The following ZFPM2 variants were observed in gnomAD, a reference collection of about 807,000 sequenced individuals.
The protein encoded by ZFPM2 is zinc finger protein, FOG family member 2.
ZFPM2 carries 20 observed loss-of-function variants against 98.6 expected under a neutral mutation model. The observed-to-expected ratio is 0.20, with a 90% CI of 0.14 to 0.29. The LOEUF is 0.29. Among genes scored for constraint, ZFPM2 ranks in the 10% least tolerant of loss-of-function variants. The pLI is 1.00. For synonymous variants in ZFPM2, 518 were observed against 502.7 expected (o/e 1.03, Z -0.41); for missense variants, 1,310 against 1,388.6 (o/e 0.94, Z 0.90).
intron 1 of ZFPM2, among the ~76,000 whole-genome samples, chr8:105,408,243 T>G (rs1490122789): frequency 6.6e-6 from 1 of 151,938 alleles, no homozygotes; most frequent in Non-Finnish European, 1.5e-5. Context: ...AGTGCCTCTG[T>G]GTCTTTAGAC....
rs34267329 is a variant in ZFPM2, at chr8:105,754,946, ATGTGTGTGTGTGTG to A, written c.533-33747_533-33734del. Among the ~76,000 whole-genome samples the A allele has an allele frequency of 3.6e-3, 526 of 146,550 alleles. 2 individuals are homozygous for A. The highest frequency in any genetic ancestry group is 0.01 in the African/African-American group (411 of 40,394). On this transcript the variant is annotated intron_variant, in intron 5 of 7. Transcript: ENST00000407775. Reference sequence around the variant, plus strand: ...TTGTGACGGTCTGGAGAAATTTAATATGTGTGTGTGTGTGTGTGTGTGTGTGTGTGTGTGTGTGC... The same window carrying A: ...TTGTGACGGTCTGGAGAAATTTAATATGTGTGTGTGTGTGTGTGTGTGTGC...
chr8:105,349,419 CTCTTAGGTA>C (rs752103442), intron 1 of ZFPM2, among the ~76,000 whole-genome samples: 12 of 152,134 alleles, frequency 7.9e-5, no homozygotes, highest in Admixed American at 1.3e-4. Context: ...AACCCATCTG[CTCTTAGGTA>C]TCCTTGTACA....
chr8:105,681,943 G>A (rs1306883148), intron 5 of ZFPM2, among the ~76,000 whole-genome samples: 1 of 152,082 alleles, frequency 6.6e-6, no homozygotes, highest in East Asian at 1.9e-4. Context: ...CTCAGTCACT[G>A]CTCTATCTCC....
chr8:105,596,803 A>G (rs1053390284), intron 4 of ZFPM2, among the ~76,000 whole-genome samples: 3 of 139,726 alleles, frequency 2.1e-5, no homozygotes, highest in African/African-American at 5.4e-5. Flanking sequence ...TAGAGCAGAT[A>G]GGGAAAGATG....
At chr8:105,556,641 CT>C (rs147589756) in intron 3 of ZFPM2, among the ~76,000 whole-genome samples, 4,075 of 151,822 alleles carry the variant, frequency 0.027, 194 homozygotes, top group African/African-American at 0.094. Context: ...TGATTGCCAT[CT>C]CATCCAAAGG....
chr8:105,410,199 G>T (rs1285132515), intron 1 of ZFPM2, among the ~76,000 whole-genome samples: 3 of 151,690 alleles, frequency 2.0e-5, no homozygotes, highest in Non-Finnish European at 4.4e-5. Flanking sequence ...ATTTTTTGTT[G>T]ATTTTCTTCT....
At chr8:105,783,210 G>GTTTTTTTTTTTT (rs753557703) in intron 5 of ZFPM2, among the ~76,000 whole-genome samples, 33 of 88,914 alleles carry the variant, frequency 3.7e-4, no homozygotes, top group Non-Finnish European at 4.3e-4. Flanking sequence ...TTTCTTTATG[G>GTTTTTTTTTTTT]TTTTTTTTTT....
At chr8:105,750,606 T>G (rs1812453357) in intron 5 of ZFPM2, among the ~76,000 whole-genome samples, 1 of 152,020 alleles carries the variant, frequency 6.6e-6, no homozygotes, top group Admixed American at 6.6e-5. Context: ...ACTTGAGAGA[T>G]CAGAGATTTT....
intron 6 of ZFPM2, chr8:105,795,807 G>A (rs755984167): frequency 2.0e-6 from 1 of 489,800 alleles, no homozygotes; most frequent in African/African-American, 1.9e-5. Flanking sequence ...CAAGATCTGT[G>A]TTCTAGCCAT....
At chr8:105,466,810 A>G (rs1264986048) in intron 3 of ZFPM2, among the ~76,000 whole-genome samples, 1 of 151,926 alleles carries the variant, frequency 6.6e-6, no homozygotes, top group South Asian at 2.1e-4. Context: ...TTTTTTGTTC[A>G]AGGATACAGG....
chr8:105,488,806 G>T (rs944542530), intron 3 of ZFPM2, among the ~76,000 whole-genome samples: 5 of 151,988 alleles, frequency 3.3e-5, no homozygotes, highest in African/African-American at 1.2e-4. Flanking sequence ...CAAAGTAAAA[G>T]AATTGGAGGA....
At chr8:105,671,224 T>C (rs1361221497) in intron 5 of ZFPM2, among the ~76,000 whole-genome samples, 2 of 152,048 alleles carry the variant, frequency 1.3e-5, no homozygotes, top group Non-Finnish European at 2.9e-5. Context: ...ATGAGTAATT[T>C]CCTTGATTCT....
At position 105,802,178 on chromosome 8, in the gene ZFPM2, A is replaced by C. The variant is rs368486644; in HGVS notation, c.2096A>C (p.His699Pro). Reference protein sequence around the residue: ...CEACNITFSRHETYMVHKQYY... With the variant: ...CEACNITFSRPETYMVHKQYY... ...GCTTGCAACATTACCTTCAGCCGGC[A>C]CGAAACATACATGGTCCACAAACAG... is the stretch of plus-strand genomic sequence containing the variant. Residue 699 changes from histidine (H) to proline (P), a missense_variant, in exon 8 of 8, where the codon CAC (histidine) becomes CCC (proline). His to Pro is a moderately conservative substitution (Grantham distance 77). Transcript: ENST00000407775. The C allele has an allele frequency of 8.1e-6, 13 of 1,613,960 alleles. No homozygotes were observed. The Middle Eastern group carries it at 1.5e-3, about 184-fold the overall frequency.
chr8:105,586,542 C>G (rs529507567), intron 4 of ZFPM2, among the ~76,000 whole-genome samples: 72 of 152,116 alleles, frequency 4.7e-4, no homozygotes, highest in Middle Eastern at 3.4e-3. Context: ...TCTGCCTCAG[C>G]CTCCTGAGTA....
At chr8:105,440,597 G>A (rs779515799) in intron 2 of ZFPM2, among the ~76,000 whole-genome samples, 10 of 152,082 alleles carry the variant, frequency 6.6e-5, no homozygotes, top group Non-Finnish European at 1.3e-4. Context: ...GTGGGACTAG[G>A]GAAACGAACC....
At chr8:105,768,125 C>T (rs535648456) in intron 5 of ZFPM2, among the ~76,000 whole-genome samples, 6 of 149,222 alleles carry the variant, frequency 4.0e-5, no homozygotes, top group East Asian at 3.9e-4. Flanking sequence ...TCTCTCTCTC[C>T]GTCTCTCTTT....
chr8:105,626,762 C>T (rs1563748884), intron 4 of ZFPM2, among the ~76,000 whole-genome samples: 1 of 152,158 alleles, frequency 6.6e-6, no homozygotes, highest in African/African-American at 2.4e-5. Flanking sequence ...TTTAGCCAAA[C>T]AGGCCTCAGT....
chr8:105,793,846 C>A (rs1813704681), intron 6 of ZFPM2, among the ~76,000 whole-genome samples: 1 of 145,214 alleles, frequency 6.9e-6, no homozygotes, highest in Non-Finnish European at 1.5e-5. Context: ...ATCGCTGATA[C>A]CCTTTCTTCT....
chr8:105,702,251 C>T (rs748734968), intron 5 of ZFPM2, among the ~76,000 whole-genome samples: 7 of 152,170 alleles, frequency 4.6e-5, no homozygotes, highest in Admixed American at 6.5e-5. Flanking sequence ...TTTTAAGAAA[C>T]GGGTTTCAAC....
Sources: allele counts gnomAD v4.1 joint callset (sites outside exome capture counted in the v4.1 genomes callset), GRCh38; gene constraint gnomAD v4.1.1; transcripts MANE v1.5; gene names NCBI Gene and HGNC (gene_info 2026-07-23, HGNC 2026-07-21).